The following ISG20 variants were observed in gnomAD, a reference collection of about 807,000 sequenced individuals.
ISG20 encodes the protein interferon stimulated exonuclease gene 20.
A neutral mutation model predicts 11.1 loss-of-function variants in ISG20; 8 were observed. The observed-to-expected ratio is 0.72, with a 90% confidence interval of 0.42 to 1.30. The LOEUF is 1.30. Ranked by LOEUF, ISG20 falls within the 50% of genes most tolerant of loss-of-function variation. ISG20 has a pLI of 0.01. For missense variants in ISG20, 243 were observed against 250.2 expected, an observed-to-expected ratio of 0.97 and a Z score of 0.19; for synonymous variants, 110 against 101.7, an observed-to-expected ratio of 1.08 and a Z score of -0.49.
chr15:88,639,569 C>A lies in ISG20; in HGVS notation c.203C>A (p.Thr68Lys). 6.2e-7 allele frequency: 1 copy of A among 1,614,168 alleles called. No homozygotes were observed. Among genetic ancestry groups the A allele is most frequent in the Non-Finnish European group, 8.5e-7 (1 of 1,180,018 alleles). Reference protein sequence around the residue: ...GVTPQHMVGATPFAVARLEIL... With the variant: ...GVTPQHMVGAKPFAVARLEIL... Reference sequence around the variant, plus strand: ...ACCCCTCAGCACATGGTGGGGGCCACACCATTTGCCGTGGCCAGGCTAGAG... The same window carrying A: ...ACCCCTCAGCACATGGTGGGGGCCAAACCATTTGCCGTGGCCAGGCTAGAG... The change falls in exon 2 of 4, where the codon ACA (threonine) becomes AAA (lysine). Residue 68 changes from threonine (T) to lysine (K), a missense_variant. Coordinates refer to ENST00000306072, the MANE Select transcript of ISG20 (RefSeq NM_002201.6). This position sits in a 1 kb window ranked among gnomAD's most constrained non-coding sequence, Gnocchi z 4.2.
In ISG20 at chr15:88,655,360, G is replaced by A. The variant is rs541550493; in HGVS notation, c.430-55G>A. 257 of 1,506,784 alleles carry A rather than the reference G, an allele frequency of 1.7e-4. 1 individual carries two copies. The African/African-American group carries it at 2.8e-3, about 16-fold the overall frequency. The allele number at this position is 1,506,784 out of a possible 1,614,324, so 93.3% of individuals were successfully genotyped here. On this transcript the variant is annotated intron_variant, in intron 3 of 3. Transcript: ENST00000306072. ...ATGTGACCAGGGAAGACCCTGTCACGGGGCCTCTGAATTCAGCCTCATCCC... is the reference window on the plus strand; with the variant it reads ...ATGTGACCAGGGAAGACCCTGTCACAGGGCCTCTGAATTCAGCCTCATCCC...
intron 2 of ISG20, among the ~76,000 whole-genome samples, chr15:88,644,532 C>CAA (rs373461017): frequency 1.1e-4 from 10 of 89,118 alleles, no homozygotes; most frequent in Admixed American, 2.4e-4. Flanking sequence ...ACTTAGTCTC[C>CAA]AAAAAAAAAA....
At position 88,639,706 on chromosome 15, in the gene ISG20, C is replaced by T. The variant is rs1406351604; in HGVS notation, c.228+112C>T. 1.0e-5 allele frequency: 8 copies of T among 791,636 alleles called. No individual in the cohort carries two copies. In the East Asian group the frequency reaches 1.9e-4, roughly 18 times the overall value. 49.0% of individuals were successfully genotyped at this position (791,636 alleles called of 1,614,324 possible). ...CTGTGACCCCACTTGTAAGATTTCC[C>T]ACACTGCTGTTGGGAGAAAGCCGGT... On this transcript the variant is annotated intron_variant, in intron 2 of 3. Transcript: ENST00000306072. The surrounding 1 kb of genome is among the most constrained non-coding windows in gnomAD (Gnocchi z 4.2).
rs372904081 is a variant in ISG20, at chr15:88,650,117, G to A, written c.229-1993G>A. ...GCTCTTTCCTGGTGTACAGGCTAAG[G>A]TCGTGGGCTACATGCAGAGAAGGAG... On this transcript the variant is annotated intron_variant, in intron 2 of 3. Transcript: ENST00000306072. This position sits in a 1 kb window ranked among gnomAD's most constrained non-coding sequence, Gnocchi z 4.0. 2 of 816,592 alleles carry A rather than the reference G, an allele frequency of 2.4e-6. No homozygotes were observed. Among genetic ancestry groups the A allele is most frequent in the South Asian group, 1.5e-5 (1 of 67,560 alleles). 50.6% of individuals were successfully genotyped at this position (816,592 alleles called of 1,614,324 possible). A position where few individuals can be genotyped will look rare whatever the true frequency, so the allele number is the denominator to read the frequency against.
At chr15:88,651,210 G>A in intron 2 of ISG20, 2 of 985,412 alleles carry the variant, frequency 2.0e-6, no homozygotes, top group Non-Finnish European at 2.4e-6. Context: ...AATCATCAGA[G>A]TAAGCCTGGG....
Position 88,639,420 on chromosome 15 carries a change from G to A in ISG20, c.54G>A (p.Gly18=), listed in dbSNP as rs773861899. Residue 18 remains glycine, a synonymous_variant, in exon 2 of 4, where the codon GGG becomes GGA. Coordinates refer to ENST00000306072, the MANE Select transcript of ISG20 (RefSeq NM_002201.6). The surrounding 1 kb of genome is among the most constrained non-coding windows in gnomAD (Gnocchi z 4.2). Reference sequence around the variant, plus strand: ...TGGACTGCGAGATGGTGGGGCTGGGGCCCCACCGGGAGAGTGGCCTGGCTC... The same window carrying A: ...TGGACTGCGAGATGGTGGGGCTGGGACCCCACCGGGAGAGTGGCCTGGCTC... ...VAMDCEMVGL[G]PHRESGLARC... 1.4e-5 allele frequency: 23 copies of A among 1,607,196 alleles called. No homozygotes were observed. In the African/African-American group the frequency reaches 2.5e-4, roughly 18 times the overall value.
chr15:88,650,284 G>A lies in ISG20; in HGVS notation c.229-1826G>A, dbSNP rs1269221318. The A allele has an allele frequency of 1.3e-6, 2 of 1,535,692 alleles. No homozygotes were observed. Among genetic ancestry groups the A allele is most frequent in the East Asian group, 4.9e-5 (2 of 40,912 alleles). The stretch of plus-strand genomic sequence containing the variant: ...GCAGCTGAGTGAAAGCAAGCTGACT[G>A]GCCTGTGTGACCAGAGCAGGGCAGG... On this transcript the variant is annotated intron_variant, in intron 2 of 3. Coordinates refer to ENST00000306072, the MANE Select transcript of ISG20 (RefSeq NM_002201.6). The surrounding 1 kb of genome is among the most constrained non-coding windows in gnomAD (Gnocchi z 4.0).
At position 88,655,604 on chromosome 15, in the gene ISG20, A is replaced by G; in HGVS notation, c.*73A>G. 1.9e-6 allele frequency: 2 copies of G among 1,039,860 alleles called. No individual in the cohort carries two copies. Among genetic ancestry groups the G allele is most frequent in the South Asian group, 2.8e-5 (2 of 72,014 alleles). The allele number at this position is 1,039,860 out of a possible 1,614,324, so 64.4% of individuals were successfully genotyped here. On this transcript the variant is annotated 3_prime_UTR_variant, in exon 4 of 4. Transcript: ENST00000306072. ...GGGACAGCAACTACCTTGCTTTTGG[A>G]AAATACATTTTTAATAGTAAAGTGG...
Position 88,655,454 on chromosome 15 carries a change from G to A in ISG20, c.469G>A (p.Ala157Thr). 1 of 1,614,022 alleles carries A rather than the reference G, an allele frequency of 6.2e-7. No individual in the cohort carries two copies. Among genetic ancestry groups the A allele is most frequent in the Non-Finnish European group, 8.5e-7 (1 of 1,180,006 alleles). ...ACACAGCTCGGTGGAAGATGCGAGG[G>A]CAACGATGGAGCTCTATCAAATCTC... ...LGHSSVEDAR[A>T]TMELYQISQR... The change falls in exon 4 of 4, where the codon GCA becomes ACA. Residue 157 changes from alanine (A) to threonine (T), a missense_variant. By Grantham distance (58) the Ala-to-Thr change is moderately conservative (BLOSUM62 0). Transcript: ENST00000306072.
intron 2 of ISG20, chr15:88,651,458 C>G (rs550420000): frequency 1.4e-4 from 40 of 293,138 alleles, no homozygotes; most frequent in Admixed American, 1.3e-4. Context: ...GGGGAAGAAT[C>G]CATTTCCTCG....
intron 3 of ISG20, 83 bp from the exon 4 acceptor site, chr15:88,655,332 G>A (rs963072265): frequency 1.3e-5 from 17 of 1,259,890 alleles, no homozygotes; most frequent in East Asian, 1.2e-4. Flanking sequence ...TCTGGAAATC[G>A]GGATGTGACC....
chr15:88,645,982 A>C (rs2058166236), intron 2 of ISG20, among the ~76,000 whole-genome samples: 1 of 152,228 alleles, frequency 6.6e-6, no homozygotes, highest in Non-Finnish European at 1.5e-5. Context: ...TCATAAATAC[A>C]AAAGAGTTCT....
rs537962523 is a variant in ISG20 at position 88,643,458 on chromosome 15, C to T, written c.228+3864C>T. Among the ~76,000 whole-genome samples, 1 of 152,088 alleles carries T rather than the reference C, an allele frequency of 6.6e-6. No homozygotes were observed. The highest frequency in any genetic ancestry group is 2.4e-5 in the African/African-American group (1 of 41,406). On this transcript the variant is annotated intron_variant, in intron 2 of 3. Coordinates refer to ENST00000306072, the MANE Select transcript of ISG20 (RefSeq NM_002201.6). This position sits in a 1 kb window ranked among gnomAD's most constrained non-coding sequence, Gnocchi z 4.4. Reference sequence around the variant, plus strand: ...GTGGTTCACACCTGTAATCTCAGCACTTTGGGAGGCTGAGGCAGGTGGATC... The same window carrying T: ...GTGGTTCACACCTGTAATCTCAGCATTTTGGGAGGCTGAGGCAGGTGGATC...
At chr15:88,648,238 G>A (rs1369997764) in intron 2 of ISG20, 1 of 152,266 alleles carries the variant, frequency 6.6e-6, no homozygotes, top group Admixed American at 6.5e-5. Context: ...TGAATGCATG[G>A]TAGAGGCAGC....
intron 2 of ISG20, among the ~76,000 whole-genome samples, chr15:88,641,000 TA>T (rs945514973): frequency 3.3e-5 from 5 of 150,582 alleles, no homozygotes; most frequent in East Asian, 1.9e-4. Flanking sequence ...GTTTTATTAT[TA>T]TTTTTTTTTT....
At chr15:88,642,397 G>A (rs895148304) in intron 2 of ISG20, among the ~76,000 whole-genome samples, 2 of 152,210 alleles carry the variant, frequency 1.3e-5, no homozygotes, top group African/African-American at 2.4e-5. Flanking sequence ...GAATTTGAGA[G>A]AGCGGGACAC....
In ISG20 at chr15:88,650,082, G is replaced by C. The variant is rs1008622161; in HGVS notation, c.229-2028G>C. 9.3e-6 allele frequency: 6 copies of C among 646,454 alleles called. No individual in the cohort carries two copies. Among genetic ancestry groups the C allele is most frequent in the Non-Finnish European group, 1.7e-5 (6 of 362,852 alleles). The allele number at this position is 646,454 out of a possible 1,614,324, so 40.0% of individuals were successfully genotyped here. A position where few individuals can be genotyped will look rare whatever the true frequency, so the allele number is the denominator to read the frequency against. The stretch of plus-strand genomic sequence containing the variant: ...AAGCAGGCTACGGGGAAGGTGTTAG[G>C]CACCAGAAGGCTCTTTCCTGGTGTA... On this transcript the variant is annotated intron_variant, in intron 2 of 3. Coordinates refer to ENST00000306072, the MANE Select transcript of ISG20 (RefSeq NM_002201.6). The surrounding 1 kb of genome is among the most constrained non-coding windows in gnomAD (Gnocchi z 4.0).
At chr15:88,648,651 G>T (rs1567119674) in intron 2 of ISG20, 1 of 152,256 alleles carries the variant, frequency 6.6e-6, no homozygotes, top group Non-Finnish European at 1.5e-5. Context: ...GGGTCAGGTG[G>T]ATCCAGACAC....
chr15:88,655,677 C>G lies in ISG20; in HGVS notation c.*146C>G. ...CACTGGGTCCTCTTCTTATTCTTCT[C>G]TCCAAGCTGGGTTAACAGTAGACAG... On this transcript the variant is annotated 3_prime_UTR_variant, in exon 4 of 4. Coordinates refer to ENST00000306072, the MANE Select transcript of ISG20 (RefSeq NM_002201.6). The G allele has an allele frequency of 1.7e-6, 1 of 584,354 alleles. No homozygotes were observed. The highest frequency in any genetic ancestry group is 2.1e-5 in the South Asian group (1 of 46,700). 36.2% of individuals were successfully genotyped at this position (584,354 alleles called of 1,614,324 possible). A position where few individuals can be genotyped will look rare whatever the true frequency, so the allele number is the denominator to read the frequency against.
Sources: gnomAD v4.1 joint callset for allele counts (sites outside exome capture counted in the v4.1 genomes callset) on GRCh38, gnomAD v4.1.1 for gene constraint, Gnocchi (gnomAD v3.1) non-coding constraint, MANE v1.5 for transcripts, NCBI Gene and HGNC (gene_info 2026-07-23, HGNC 2026-07-21) for gene names.